The following ADAMTSL1 variants were observed in gnomAD, a reference collection of about 807,000 sequenced individuals.
The protein encoded by ADAMTSL1 is ADAMTS like 1.
A neutral mutation model predicts 201.8 loss-of-function variants in ADAMTSL1; 126 were observed. The observed-to-expected ratio is 0.62, with a 90% confidence interval of 0.54 to 0.72. The LOEUF is 0.72. Ranked by LOEUF, ADAMTSL1 falls within the 30% of genes least tolerant of loss-of-function variation. The pLI is 0.00. For synonymous variants in ADAMTSL1, 1,121 were observed against 903.4 expected, an observed-to-expected ratio of 1.24 and a Z score of -4.32; for missense variants, 2,679 against 2,277.8, an observed-to-expected ratio of 1.18 and a Z score of -3.59.
intron 3 of ADAMTSL1, among the ~76,000 whole-genome samples, chr9:18,560,285 G>C (rs547098814): frequency 1.3e-5 from 2 of 152,092 alleles, no homozygotes; most frequent in African/African-American, 2.4e-5. Context: ...TTTGTCATTG[G>C]TTCTGTTTAT....
intron 1 of ADAMTSL1, among the ~76,000 whole-genome samples, chr9:17,921,801 C>T (rs1408801957): frequency 6.6e-6 from 1 of 152,142 alleles, no homozygotes; most frequent in Non-Finnish European, 1.5e-5. Context: ...TGCTCACTGA[C>T]TGCCTTCTGG....
chr9:18,357,079 TATC>T (rs1256169209), intron 2 of ADAMTSL1, among the ~76,000 whole-genome samples: 61 of 152,296 alleles, frequency 4.0e-4, no homozygotes, highest in Non-Finnish European at 1.5e-5. Flanking sequence ...TACACACACA[TATC>T]AGCCATACTG....
intron 2 of ADAMTSL1, among the ~76,000 whole-genome samples, chr9:18,237,299 A>G (rs905594109): frequency 3.9e-5 from 6 of 152,318 alleles, no homozygotes; most frequent in East Asian, 1.9e-4. Context: ...CCAGCTCAGG[A>G]GGAAGAACAT....
chr9:18,136,458 T>G (rs1826161757), intron 1 of ADAMTSL1, among the ~76,000 whole-genome samples: 1 of 152,048 alleles, frequency 6.6e-6, no homozygotes, highest in African/African-American at 2.4e-5. Flanking sequence ...AAACAGTCCC[T>G]GACGTTGTAG....
At chr9:18,518,861 T>C (rs144392877) in intron 2 of ADAMTSL1, among the ~76,000 whole-genome samples, 1 of 152,096 alleles carries the variant, frequency 6.6e-6, no homozygotes, top group Non-Finnish European at 1.5e-5. Flanking sequence ...GCATGCGCCA[T>C]GATACCTGGC....
At chr9:18,766,488 G>T (rs979845323) in intron 16 of ADAMTSL1, among the ~76,000 whole-genome samples, 1 of 152,196 alleles carries the variant, frequency 6.6e-6, no homozygotes, top group Non-Finnish European at 1.5e-5. Flanking sequence ...GATCACATTT[G>T]AGTGTATCAT....
intron 3 of ADAMTSL1, among the ~76,000 whole-genome samples, chr9:18,555,238 T>G (rs1000214040): frequency 6.6e-6 from 1 of 151,932 alleles, no homozygotes; most frequent in African/African-American, 2.4e-5. Flanking sequence ...TTATAAAGAC[T>G]GTTAGAATGG....
intron 15 of ADAMTSL1, among the ~76,000 whole-genome samples, chr9:18,728,121 TAA>T (rs1818005772): frequency 3.0e-5 from 3 of 100,472 alleles, no homozygotes; most frequent in African/African-American, 1.0e-4. Context: ...AATAAATAAA[TAA>T]ATAAATAAGA....
chr9:18,354,159 C>G (rs896399368), intron 2 of ADAMTSL1, among the ~76,000 whole-genome samples: 4 of 150,720 alleles, frequency 2.7e-5, no homozygotes, highest in Non-Finnish European at 4.4e-5. Context: ...ATACATCTGT[C>G]TCTGGTGTAA....
chr9:18,346,080 A>G (rs1480721779), intron 2 of ADAMTSL1, among the ~76,000 whole-genome samples: 1 of 152,132 alleles, frequency 6.6e-6, no homozygotes, highest in Non-Finnish European at 1.5e-5. Context: ...CTGACCCTGT[A>G]TGCTACACAT....
chr9:18,318,247 C>T (rs1834484096), intron 2 of ADAMTSL1, among the ~76,000 whole-genome samples: 1 of 152,142 alleles, frequency 6.6e-6, no homozygotes, highest in South Asian at 2.1e-4. Context: ...TTTATCTATA[C>T]CTAGCAATGC....
chr9:18,052,396 G>A (rs1383433993), intron 1 of ADAMTSL1, among the ~76,000 whole-genome samples: 4 of 152,212 alleles, frequency 2.6e-5, no homozygotes, highest in Non-Finnish European at 4.4e-5. Context: ...CATTCAAGCT[G>A]AGCCTTAAAG....
intron 2 of ADAMTSL1, among the ~76,000 whole-genome samples, chr9:18,332,671 A>G (rs1381809801): frequency 6.6e-6 from 1 of 152,160 alleles, no homozygotes; most frequent in Non-Finnish European, 1.5e-5. Flanking sequence ...TACAGCATCA[A>G]TAGAATTTGT....
intron 3 of ADAMTSL1, among the ~76,000 whole-genome samples, chr9:18,554,015 T>G (rs1311934472): frequency 6.6e-6 from 1 of 151,926 alleles, no homozygotes; most frequent in African/African-American, 2.4e-5. Flanking sequence ...TAATGCTTTT[T>G]ACATCTTTGT....
intron 2 of ADAMTSL1, among the ~76,000 whole-genome samples, chr9:18,192,634 TTC>T (rs1302732907): frequency 6.6e-6 from 1 of 152,176 alleles, no homozygotes; most frequent in Non-Finnish European, 1.5e-5. Context: ...ATTTCTAAAT[TTC>T]TTTTACTGGA....
intron 15 of ADAMTSL1, among the ~76,000 whole-genome samples, chr9:18,744,609 T>G (rs1819026382): frequency 6.6e-6 from 1 of 152,256 alleles, no homozygotes; most frequent in Non-Finnish European, 1.5e-5. Flanking sequence ...GTTTCACCCT[T>G]TACATGGAGG....
At chr9:18,016,655 G>C (rs768870155) in intron 1 of ADAMTSL1, among the ~76,000 whole-genome samples, 2 of 151,994 alleles carry the variant, frequency 1.3e-5, no homozygotes, top group Non-Finnish European at 2.9e-5. Flanking sequence ...CCAGAAGAAA[G>C]AGACTCAGTT....
intron 1 of ADAMTSL1, among the ~76,000 whole-genome samples, chr9:18,062,786 T>TA (rs1478860711): frequency 6.6e-6 from 1 of 152,290 alleles, no homozygotes; most frequent in South Asian, 2.1e-4. Context: ...ATCCAACTTT[T>TA]AAAAAATGAT....
chr9:18,849,308 C>T (rs917940038), intron 23 of ADAMTSL1, among the ~76,000 whole-genome samples: 3 of 152,208 alleles, frequency 2.0e-5, no homozygotes, highest in Admixed American at 2.0e-4. Context: ...CCACCCTTCA[C>T]CCCACCCGCA....
Sources: gnomAD v4.1 joint callset for allele counts (sites outside exome capture counted in the v4.1 genomes callset) on GRCh38, gnomAD v4.1.1 for gene constraint, MANE v1.5 for transcripts, NCBI Gene and HGNC (gene_info 2026-07-23, HGNC 2026-07-21) for gene names.